STX8: variants seen among roughly 807,000 people sequenced by gnomAD.
STX8 encodes syntaxin-8.
A neutral mutation model predicts 37.5 loss-of-function variants in STX8; 23 were observed. The observed-to-expected ratio is 0.61, with a 90% CI of 0.44 to 0.87. STX8 has a LOEUF of 0.87. Among genes scored for constraint, STX8 ranks in the 40% least tolerant of loss-of-function variants. The pLI is 0.00. For missense variants in STX8, 313 were observed against 284.7 expected, an observed-to-expected ratio of 1.10 and a Z score of -0.71; for synonymous variants, 115 against 99.1, an observed-to-expected ratio of 1.16 and a Z score of -0.95.
At chr17:9,324,126 T>TCACACACACACACA (rs35942102) in intron 7 of STX8, among the ~76,000 whole-genome samples, 2 of 135,512 alleles carry the variant, frequency 1.5e-5, no homozygotes, top group African/African-American at 6.8e-5. Context: ...TCTCTCTCTC[T>TCACACACACACACA]CACACACACA....
At chr17:9,387,228 GCTT>G (rs1485281388) in intron 6 of STX8, among the ~76,000 whole-genome samples, 1 of 152,164 alleles carries the variant, frequency 6.6e-6, no homozygotes, top group Non-Finnish European at 1.5e-5. Flanking sequence ...TGGACACATA[GCTT>G]CAGTCTTTGT....
chr17:9,429,562 G>C (rs1345692622), intron 6 of STX8, among the ~76,000 whole-genome samples: 1 of 138,568 alleles, frequency 7.2e-6, no homozygotes, highest in Non-Finnish European at 1.5e-5. Context: ...AATTAGCCGG[G>C]CGTGGTGGCG....
At chr17:9,329,259 A>C (rs73267986) in intron 7 of STX8, among the ~76,000 whole-genome samples, 10,759 of 152,144 alleles carry the variant, frequency 0.071, 1,240 homozygotes, top group African/African-American at 0.24. Context: ...TGAGGATGCT[A>C]CAGGAAATTA....
chr17:9,408,656 G>T (rs1217672829), intron 6 of STX8, among the ~76,000 whole-genome samples: 1 of 152,162 alleles, frequency 6.6e-6, no homozygotes, highest in African/African-American at 2.4e-5. Flanking sequence ...TCTGGCCTAC[G>T]TGTTTAGTAA....
At chr17:9,342,155 G>C (rs1466405125) in intron 7 of STX8, among the ~76,000 whole-genome samples, 3 of 152,170 alleles carry the variant, frequency 2.0e-5, no homozygotes, top group Non-Finnish European at 4.4e-5. Context: ...CGGATGTGCA[G>C]TTCACAATAG....
chr17:9,522,816 G>A (rs1246220300), intron 4 of STX8, among the ~76,000 whole-genome samples: 1 of 152,094 alleles, frequency 6.6e-6, no homozygotes, highest in Non-Finnish European at 1.5e-5. Flanking sequence ...AAGGGAGACA[G>A]GGAACAGCTG....
chr17:9,490,696 T>G (rs8073386), intron 6 of STX8, among the ~76,000 whole-genome samples: 101,681 of 152,100 alleles, frequency 0.67, 35,598 homozygotes, highest in Middle Eastern at 0.84. Flanking sequence ...TTCCATCGTG[T>G]TATTACTAAA....
intron 4 of STX8, among the ~76,000 whole-genome samples, chr17:9,536,728 C>A (rs1906072512): frequency 2.0e-5 from 3 of 150,876 alleles, no homozygotes; most frequent in African/African-American, 7.4e-5. Context: ...CTGAACTCTG[C>A]AAGAATGGGC....
At chr17:9,402,628 G>A (rs913727472) in intron 6 of STX8, among the ~76,000 whole-genome samples, 7 of 152,224 alleles carry the variant, frequency 4.6e-5, no homozygotes, top group East Asian at 3.9e-4. Context: ...TCAAGAGACC[G>A]ACACTTTGCA....
intron 6 of STX8, among the ~76,000 whole-genome samples, chr17:9,474,448 C>A (rs1906014820): frequency 6.6e-6 from 1 of 152,110 alleles, no homozygotes; most frequent in Non-Finnish European, 1.5e-5. Context: ...TCTTGGCTCA[C>A]TGCAACCTCC....
At chr17:9,296,071 T>C (rs1345576152) in intron 7 of STX8, among the ~76,000 whole-genome samples, 1 of 152,122 alleles carries the variant, frequency 6.6e-6, no homozygotes, top group Non-Finnish European at 1.5e-5. Context: ...GTGCCTGTAG[T>C]CCCAGCTACT....
chr17:9,266,922 G>A (rs1356806660), intron 7 of STX8, among the ~76,000 whole-genome samples: 2 of 152,344 alleles, frequency 1.3e-5, no homozygotes, highest in African/African-American at 4.8e-5. Flanking sequence ...TCTGAAGCCT[G>A]TCCCCTTTGT....
chr17:9,374,185 G>A (rs921761254), intron 7 of STX8, among the ~76,000 whole-genome samples: 4 of 151,274 alleles, frequency 2.6e-5, no homozygotes, highest in African/African-American at 4.9e-5. Flanking sequence ...AGGTTTAAGC[G>A]ATTCTCCTGC....
chr17:9,346,869 T>C (rs1910552469), intron 7 of STX8, among the ~76,000 whole-genome samples: 2 of 152,186 alleles, frequency 1.3e-5, no homozygotes, highest in African/African-American at 4.8e-5. Flanking sequence ...GGCTCCCACC[T>C]GTAATCCCAG....
At chr17:9,509,874 C>G (rs1904968485) in intron 4 of STX8, among the ~76,000 whole-genome samples, 2 of 149,024 alleles carry the variant, frequency 1.3e-5, no homozygotes, top group Admixed American at 1.3e-4. Context: ...CAACTATATG[C>G]TGCATAGAAG....
chr17:9,472,070 CTTT>C (rs11364559), intron 6 of STX8, among the ~76,000 whole-genome samples: 3 of 139,896 alleles, frequency 2.1e-5, no homozygotes, highest in Non-Finnish European at 4.7e-5. Context: ...TGGTAGATTC[CTTT>C]TTTTTTTTTT....
At chr17:9,315,130 CAAT>C (rs1327327993) in intron 7 of STX8, among the ~76,000 whole-genome samples, 1 of 146,382 alleles carries the variant, frequency 6.8e-6, no homozygotes, top group Admixed American at 6.8e-5. Flanking sequence ...ACAACAACAA[CAAT>C]AGTAACAAAA....
At chr17:9,501,451 G>A (rs1418720070) in intron 5 of STX8, among the ~76,000 whole-genome samples, 1 of 152,302 alleles carries the variant, frequency 6.6e-6, no homozygotes, top group Non-Finnish European at 1.5e-5. Context: ...AGCACTTTGG[G>A]AGGCCGAGGT....
intron 4 of STX8, among the ~76,000 whole-genome samples, chr17:9,527,669 G>C (rs1905631904): frequency 1.3e-5 from 2 of 152,056 alleles, no homozygotes; most frequent in African/African-American, 4.8e-5. Flanking sequence ...CAATTCAAAA[G>C]AAGATACCAT....
Sources: gnomAD v4.1 joint callset for allele counts (sites outside exome capture counted in the v4.1 genomes callset) on GRCh38, gnomAD v4.1.1 for gene constraint, MANE v1.5 for transcripts, NCBI Gene and HGNC (gene_info 2026-07-23, HGNC 2026-07-21) for gene names.